Variants in SHISA6 observed in about 807,000 individuals in gnomAD.
SHISA6 encodes shisa family member 6, also known as protein shisa-6.
Under a neutral mutation model 47.9 loss-of-function variants are expected in SHISA6, and 22 were observed. That is an observed-to-expected ratio of 0.46 (90% CI 0.33 to 0.66). SHISA6 has a LOEUF of 0.66. Among genes scored for constraint, SHISA6 ranks in the 30% least tolerant of loss-of-function variants. The pLI is 0.02. For synonymous variants in SHISA6, 388 were observed against 337.8 expected, an observed-to-expected ratio of 1.15 and a Z score of -1.63; for missense variants, 680 against 764.6, an observed-to-expected ratio of 0.89 and a Z score of 1.30.
At chr17:11,337,386 G>T (rs1911361213) in intron 2 of SHISA6, among the ~76,000 whole-genome samples, 1 of 152,158 alleles carries the variant, frequency 6.6e-6, no homozygotes, top group Non-Finnish European at 1.5e-5. Context: ...TCCCCCTGGT[G>T]CATGATTTGC....
intron 5 of SHISA6, among the ~76,000 whole-genome samples, chr17:11,557,335 G>A (rs1331602734): frequency 6.6e-6 from 1 of 152,214 alleles, no homozygotes; most frequent in Non-Finnish European, 1.5e-5. Context: ...GGACCATGGT[G>A]TGGTAGATAC....
intron 2 of SHISA6, among the ~76,000 whole-genome samples, chr17:11,278,226 G>C (rs2142158863): frequency 6.6e-6 from 1 of 152,316 alleles, no homozygotes; most frequent in East Asian, 1.9e-4. Flanking sequence ...ATTAGTGAAA[G>C]CTCTAAGGAT....
chr17:11,278,533 G>T (rs1909008066), intron 2 of SHISA6, among the ~76,000 whole-genome samples: 1 of 152,214 alleles, frequency 6.6e-6, no homozygotes, highest in Admixed American at 6.5e-5. Flanking sequence ...TTCCTAACTA[G>T]AACATTTGTG....
chr17:11,244,639 T>C (rs1907504358), intron 1 of SHISA6, among the ~76,000 whole-genome samples: 1 of 152,010 alleles, frequency 6.6e-6, no homozygotes, highest in African/African-American at 2.4e-5. Flanking sequence ...GAGGGAGTGA[T>C]AGAGACAGAG....
intron 2 of SHISA6, among the ~76,000 whole-genome samples, chr17:11,330,057 G>A (rs558889513): frequency 1.3e-5 from 2 of 152,154 alleles, no homozygotes; most frequent in East Asian, 3.9e-4. Context: ...GAATATGGCC[G>A]CCAGCAAGTC....
At chr17:11,300,902 C>T (rs1254621239) in intron 2 of SHISA6, among the ~76,000 whole-genome samples, 1 of 102,988 alleles carries the variant, frequency 9.7e-6, no homozygotes. Context: ...GCTTCAAGAA[C>T]ATACTGTAAT....
intron 1 of SHISA6, among the ~76,000 whole-genome samples, chr17:11,250,587 A>G (rs1182592865): frequency 6.6e-6 from 1 of 152,206 alleles, no homozygotes; most frequent in Non-Finnish European, 1.5e-5. Flanking sequence ...GTAGAATGGC[A>G]TTCCTTCATC....
At chr17:11,372,512 C>T (rs951015990) in intron 2 of SHISA6, among the ~76,000 whole-genome samples, 2 of 151,936 alleles carry the variant, frequency 1.3e-5, no homozygotes, top group African/African-American at 4.8e-5. Context: ...TATCCATTAG[C>T]CTTTTAAAAC....
chr17:11,533,587 A>AT (rs3038696), intron 3 of SHISA6, among the ~76,000 whole-genome samples: 18,118 of 94,456 alleles, frequency 0.19, 2,403 homozygotes, highest in African/African-American at 0.3. Context: ...CCCTTTCATT[A>AT]TTTTTTTTTT....
At chr17:11,374,676 C>A (rs1184436942) in intron 2 of SHISA6, among the ~76,000 whole-genome samples, 3 of 151,872 alleles carry the variant, frequency 2.0e-5, no homozygotes, top group Non-Finnish European at 2.9e-5. Flanking sequence ...CATCTTCATT[C>A]AAAAATAATA....
intron 3 of SHISA6, among the ~76,000 whole-genome samples, chr17:11,448,260 G>A (rs1268651057): frequency 6.6e-6 from 1 of 152,112 alleles, no homozygotes; most frequent in Non-Finnish European, 1.5e-5. Context: ...GCTGGGTGTG[G>A]TGGCTCAAGT....
At chr17:11,511,154 A>G (rs2071538162) in intron 3 of SHISA6, among the ~76,000 whole-genome samples, 1 of 152,164 alleles carries the variant, frequency 6.6e-6, no homozygotes, top group African/African-American at 2.4e-5. Context: ...ATGAAGCTGG[A>G]AGCCATCATT....
In SHISA6 at chr17:11,552,726, G is replaced by A. The variant is rs2071942073; in HGVS notation, c.952+774G>A. Among the ~76,000 whole-genome samples the A allele has an allele frequency of 2.0e-5, 3 of 152,324 alleles. No homozygotes were observed. The South Asian group carries it at 6.2e-4, about 32-fold the overall frequency. On this transcript the variant is annotated intron_variant, in intron 4 of 5. Transcript: ENST00000441885. The stretch of plus-strand genomic sequence containing the variant: ...TACCACTGTTATGTCAGATTATGGT[G>A]TGCCTCAGCACTGAAGTTGAGGGAT...
chr17:11,474,734 T>C (rs1916013046), intron 3 of SHISA6, among the ~76,000 whole-genome samples: 1 of 152,208 alleles, frequency 6.6e-6, no homozygotes, highest in Admixed American at 6.5e-5. Flanking sequence ...CTGGCTTAAT[T>C]ACTGTAACTT....
At chr17:11,428,344 C>T (rs994746470) in intron 3 of SHISA6, among the ~76,000 whole-genome samples, 4 of 152,158 alleles carry the variant, frequency 2.6e-5, no homozygotes, top group East Asian at 3.9e-4. Context: ...AGGCAGAGTT[C>T]GGCATGAGCA....
intron 3 of SHISA6, among the ~76,000 whole-genome samples, chr17:11,512,756 G>T (rs2071551694): frequency 6.6e-6 from 1 of 152,004 alleles, no homozygotes; most frequent in Non-Finnish European, 1.5e-5. Flanking sequence ...TTAAGAGAGT[G>T]TTATAGTATA....
At chr17:11,522,249 GTCACCA>G (rs2071636271) in intron 3 of SHISA6, among the ~76,000 whole-genome samples, 1 of 151,954 alleles carries the variant, frequency 6.6e-6, no homozygotes, top group Non-Finnish European at 1.5e-5. Flanking sequence ...ACAGGCGTGA[GTCACCA>G]TGCCTGGCCC....
intron 3 of SHISA6, among the ~76,000 whole-genome samples, chr17:11,437,659 A>G (rs1914976626): frequency 6.6e-6 from 1 of 152,094 alleles, no homozygotes; most frequent in African/African-American, 2.4e-5. Flanking sequence ...ACAATCCATT[A>G]TTTTTCCAAG....
intron 3 of SHISA6, among the ~76,000 whole-genome samples, chr17:11,498,160 C>G (rs1418132209): frequency 6.6e-6 from 1 of 152,190 alleles, no homozygotes; most frequent in Admixed American, 6.5e-5. Flanking sequence ...GAAGCAGAGG[C>G]TCTCAGGATA....
Sources: gnomAD v4.1 joint callset for allele counts (sites outside exome capture counted in the v4.1 genomes callset) on GRCh38, gnomAD v4.1.1 for gene constraint, MANE v1.5 for transcripts, NCBI Gene and HGNC (gene_info 2026-07-23, HGNC 2026-07-21) for gene names.